The following PIK3C2A variants were observed in gnomAD, a reference collection of about 807,000 sequenced individuals.
The protein encoded by PIK3C2A is phosphatidylinositol 4-phosphate 3-kinase C2 domain-containing subunit alpha.
A neutral mutation model predicts 204.5 loss-of-function variants in PIK3C2A; 97 were observed. The observed-to-expected ratio is 0.47, with a 90% CI of 0.40 to 0.56. The LOEUF is 0.56. Ranked by LOEUF, PIK3C2A falls within the 20% of genes least tolerant of loss-of-function variation. PIK3C2A has a pLI of 0.00. For missense variants in PIK3C2A, 1,735 were observed against 1,969.2 expected (o/e 0.88, Z 2.25); for synonymous variants, 653 against 664.4 (o/e 0.98, Z 0.26).
intron 2 of PIK3C2A, among the ~76,000 whole-genome samples, chr11:17,157,945 A>G (rs1850650212): frequency 6.6e-6 from 1 of 152,216 alleles, no homozygotes; most frequent in Admixed American, 6.5e-5. Flanking sequence ...TCTATGTTCC[A>G]GTTAGCTTGA....
intron 2 of PIK3C2A, among the ~76,000 whole-genome samples, chr11:17,158,249 G>T (rs988938005): frequency 6.6e-6 from 1 of 151,832 alleles, no homozygotes; most frequent in African/African-American, 2.4e-5. Flanking sequence ...TCGGGAGGCT[G>T]AGGCAGGAGA....
chr11:17,161,946 C>T (rs1277059997), intron 2 of PIK3C2A, among the ~76,000 whole-genome samples: 1 of 152,138 alleles, frequency 6.6e-6, no homozygotes, highest in South Asian at 2.1e-4. Flanking sequence ...GTTTATCTCC[C>T]TATTTTGGTC....
intron 27 of PIK3C2A, 77 bp from the exon 28 acceptor site, chr11:17,094,462 G>A (rs902385021): frequency 9.2e-6 from 11 of 1,194,498 alleles, no homozygotes; most frequent in Non-Finnish European, 1.3e-5. Context: ...AGTGGCTCAT[G>A]CCTGTAATCC....
At chr11:17,135,354 A>C (rs1461044148) in intron 9 of PIK3C2A, among the ~76,000 whole-genome samples, 195 bp from the exon 10 acceptor site, 8 of 152,238 alleles carry the variant, frequency 5.3e-5, no homozygotes, top group Admixed American at 5.2e-4. Context: ...TAAGAAAATC[A>C]GAATAACTAA....
intron 2 of PIK3C2A, among the ~76,000 whole-genome samples, chr11:17,165,152 G>GT (rs1008850769): frequency 6.6e-6 from 1 of 152,056 alleles, no homozygotes; most frequent in African/African-American, 2.4e-5. Flanking sequence ...TGTTCCCAGG[G>GT]TACTCTATTT....
chr11:17,120,156 G>A (rs188776708), intron 15 of PIK3C2A, among the ~76,000 whole-genome samples, 182 bp from the exon 16 acceptor site: 13 of 152,050 alleles, frequency 8.5e-5, no homozygotes, highest in African/African-American at 2.7e-4. Flanking sequence ...ATGCTAATCC[G>A]GGAACTGAAA....
intron 2 of PIK3C2A, among the ~76,000 whole-genome samples, chr11:17,157,500 T>C (rs1053278304): frequency 3.3e-5 from 5 of 152,012 alleles, no homozygotes; most frequent in Non-Finnish European, 7.4e-5. Flanking sequence ...GAAATGTTTT[T>C]GCAGCCTCTT....
In PIK3C2A at chr11:17,089,749, T is replaced by C. The variant is rs566921421; in HGVS notation, c.5050A>G (p.Thr1684Ala). Residue 1684 changes from threonine to alanine, a missense_variant, in exon 33 of 33, where the codon ACA (threonine) becomes GCA (alanine). By Grantham distance (58) the Thr-to-Ala change is moderately conservative. Transcript: ENST00000691414. ...TVKWYQLTAA[T>A]YL is the part of the protein sequence containing the mutation. ...AAACATTCACTAGTTTACAAGTATG[T>C]TGCCGCAGTCAGCTGATACCATTTA... The C allele has an allele frequency of 6.2e-6, 10 of 1,612,414 alleles. No individual in the cohort carries two copies. Among genetic ancestry groups the C allele is most frequent in the African/African-American group, 1.3e-5 (1 of 74,998 alleles).
Position 17,195,742 on chromosome 11 carries a change from C to CA in PIK3C2A, c.-66+12105dup, listed in dbSNP as rs56286931. Reference sequence around the variant, plus strand: ...TGGGAGACAGAGCAAGACTCTATTGCAAAAAAAAAAAAAGGAGCCCCGCGC... The same window carrying CA: ...TGGGAGACAGAGCAAGACTCTATTGCAAAAAAAAAAAAAAGGAGCCCCGCGC... On this transcript the variant is annotated intron_variant, in intron 1 of 32. Transcript: ENST00000691414. Among the ~76,000 whole-genome samples the CA allele has an allele frequency of 6.2e-3, 866 of 139,750 alleles. 7 individuals carry two copies. Among genetic ancestry groups the CA allele is most frequent in the Middle Eastern group, 0.016 (4 of 252 alleles). The allele number at this position is 139,750 out of a possible 152,430, so 91.7% of individuals were successfully genotyped here. A position where few individuals can be genotyped will look rare whatever the true frequency, so the allele number is the denominator to read the frequency against.
At chr11:17,134,048 T>G (rs935651002) in intron 11 of PIK3C2A, among the ~76,000 whole-genome samples, 5 of 152,232 alleles carry the variant, frequency 3.3e-5, no homozygotes, top group African/African-American at 1.2e-4. Flanking sequence ...GCTTTTGGCA[T>G]GTAAAGAGTT....
chr11:17,195,913 C>T (rs187625157), intron 1 of PIK3C2A, among the ~76,000 whole-genome samples: 55 of 150,814 alleles, frequency 3.6e-4, no homozygotes, highest in Admixed American at 3.4e-3. Context: ...GTGGCAGGCG[C>T]CTGCAGTCCC....
In PIK3C2A at chr11:17,103,695, T is replaced by C. The variant is rs555756142; in HGVS notation, c.3682-864A>G. ...ACTTAGGTACTATCATCATAACAAT[T>C]GTACAGATGGAAAACTGAAACAGAG... On this transcript the variant is annotated intron_variant, in intron 23 of 32. Transcript: ENST00000691414. Among the ~76,000 whole-genome samples, 67 of 152,298 alleles carry C rather than the reference T, an allele frequency of 4.4e-4. 1 individual carries two copies. In the South Asian group the frequency reaches 9.3e-3, roughly 21 times the overall value.
chr11:17,156,268 A>G (rs753183196), intron 2 of PIK3C2A, among the ~76,000 whole-genome samples: 15 of 152,240 alleles, frequency 9.9e-5, no homozygotes, highest in Non-Finnish European at 1.9e-4. Flanking sequence ...CAAATTTCAA[A>G]TATAAATTCC....
chr11:17,101,243 A>G, intron 25 of PIK3C2A, 35 bp downstream of exon 25: 2 of 1,232,678 alleles, frequency 1.6e-6, no homozygotes, highest in Non-Finnish European at 2.2e-6. Flanking sequence ...ATGCATTAAT[A>G]TAAAACTAAT....
chr11:17,109,304 G>C (rs1280914795), intron 22 of PIK3C2A, among the ~76,000 whole-genome samples: 1 of 152,106 alleles, frequency 6.6e-6, no homozygotes, highest in African/African-American at 2.4e-5. Context: ...ACATATTATT[G>C]CTTCCTTCTA....
At chr11:17,128,239 T>G (rs995240202) in intron 13 of PIK3C2A, among the ~76,000 whole-genome samples, 1 of 151,736 alleles carries the variant, frequency 6.6e-6, no homozygotes. Context: ...TTCTCCTTTT[T>G]TTTTTTAATT....
At chr11:17,202,625 C>A (rs1852429261) in intron 1 of PIK3C2A, among the ~76,000 whole-genome samples, 1 of 151,822 alleles carries the variant, frequency 6.6e-6, no homozygotes, top group Non-Finnish European at 1.5e-5. Flanking sequence ...GACCTGAATT[C>A]AAGCAATGCT....
intron 5 of PIK3C2A, chr11:17,148,447 T>C: frequency 8.2e-6 from 4 of 489,324 alleles, no homozygotes; most frequent in Non-Finnish European, 1.5e-5. Flanking sequence ...ACAAGCTCCT[T>C]AAGGGAATAC....
intron 15 of PIK3C2A, 31 bp from the exon 16 acceptor site, chr11:17,120,005 C>A: frequency 1.1e-6 from 1 of 946,232 alleles, no homozygotes. Flanking sequence ...AATTACTTCT[C>A]AGTGATAACA....
Sources: allele counts gnomAD v4.1 joint callset (sites outside exome capture counted in the v4.1 genomes callset), GRCh38; gene constraint gnomAD v4.1.1; transcripts MANE v1.5; gene names NCBI Gene and HGNC (gene_info 2026-07-23, HGNC 2026-07-21).